CLEC12A: variants seen among roughly 807,000 people sequenced by gnomAD.
CLEC12A encodes C-type lectin protein CLL-1.
Under a neutral mutation model 26.5 loss-of-function variants are expected in CLEC12A, and 22 were observed. The observed-to-expected ratio is 0.83, with a 90% CI of 0.59 to 1.19. CLEC12A has a LOEUF of 1.19. Ranked by LOEUF, CLEC12A falls within the 50% of genes most tolerant of loss-of-function variation. The pLI is 0.00. For missense variants in CLEC12A, 353 were observed against 315.6 expected, an observed-to-expected ratio of 1.12 and a Z score of -0.90; for synonymous variants, 119 against 101.9, an observed-to-expected ratio of 1.17 and a Z score of -1.01.
At chr12:9,973,483 C>A (rs1245915150) in intron 1 of CLEC12A, among the ~76,000 whole-genome samples, 1 of 151,854 alleles carries the variant, frequency 6.6e-6, no homozygotes, top group African/African-American at 2.4e-5. Flanking sequence ...AAGACAAAAA[C>A]CCCAAAAACA....
At chr12:9,997,253 C>T (rs765414250), downstream of CLEC12A, 97 of 1,612,384 alleles carry the variant, frequency 6.0e-5, no homozygotes, top group Non-Finnish European at 8.1e-5. Flanking sequence ...TCATTCTCAC[C>T]TTGTAGGTAA....
At chr12:9,989,005 C>T (rs1016525324), downstream of CLEC12A, among the ~76,000 whole-genome samples, 116 of 152,204 alleles carry the variant, frequency 7.6e-4, no homozygotes, top group African/African-American at 2.7e-3. Flanking sequence ...AAATGTGGCA[C>T]ATATACACCA....
intron 1 of CLEC12A, among the ~76,000 whole-genome samples, chr12:9,963,124 A>G (rs1172501569): frequency 6.6e-6 from 1 of 152,162 alleles, no homozygotes; most frequent in Non-Finnish European, 1.5e-5. Context: ...TTGAAAAACT[A>G]AACAGAATAA....
chr12:9,966,419 A>G (rs1863953377), upstream of CLEC12A, among the ~76,000 whole-genome samples: 1 of 149,364 alleles, frequency 6.7e-6, no homozygotes, highest in African/African-American at 2.5e-5. Flanking sequence ...GCTGCCGGTG[A>G]GATGGACAGT....
chr12:9,990,348 G>A (rs987383359), downstream of CLEC12A, among the ~76,000 whole-genome samples: 5 of 152,196 alleles, frequency 3.3e-5, no homozygotes, highest in Admixed American at 6.6e-5. Flanking sequence ...TTCATGGAAG[G>A]AAGACAAAGT....
At chr12:9,986,625 A>G (rs1339751813), downstream of CLEC12A, among the ~76,000 whole-genome samples, 1 of 152,190 alleles carries the variant, frequency 6.6e-6, no homozygotes, top group Non-Finnish European at 1.5e-5. Flanking sequence ...AGACTGGCTA[A>G]CATGGTGAAA....
chr12:9,996,982 G>A (rs1477278341), downstream of CLEC12A: 1 of 1,613,940 alleles, frequency 6.2e-7, no homozygotes, highest in South Asian at 1.1e-5. Context: ...TGTGTCACAG[G>A]GGCTGCATTT....
downstream of CLEC12A, chr12:9,997,187 TTACCACA>T: frequency 6.2e-7 from 1 of 1,614,046 alleles, no homozygotes; most frequent in Non-Finnish European, 8.5e-7. Context: ...TCTGATTGTT[TTACCACA>T]TATTGACAGA....
At chr12:9,989,910 TAATA>T (rs1343784503), downstream of CLEC12A, among the ~76,000 whole-genome samples, 6 of 152,194 alleles carry the variant, frequency 3.9e-5, no homozygotes, top group Admixed American at 1.3e-4. Flanking sequence ...CTAGGGACCT[TAATA>T]ATTATGCTAA....
At chr12:9,980,077 A>G (rs1198148242) in intron 3 of CLEC12A, among the ~76,000 whole-genome samples, 1 of 152,208 alleles carries the variant, frequency 6.6e-6, no homozygotes, top group Non-Finnish European at 1.5e-5. Context: ...ATTGGTATAG[A>G]TAGGTGGGGT....
rs1343306396 is a variant in CLEC12A, at chr12:9,971,615, T to C, written c.19T>C (p.Tyr7His). 13 of 1,608,098 alleles carry C rather than the reference T, an allele frequency of 8.1e-6. No individual in the cohort carries two copies. Among genetic ancestry groups the C allele is most frequent in the South Asian group, 1.1e-5 (1 of 89,660 alleles). ...TTCATCAATGTCTGAAGAAGTTACT[T>C]ATGCAGATCTTCAATTCCAGAACTC... MSEEVTYADLQFQNSSE... is the reference protein window; with the variant it reads MSEEVTHADLQFQNSSE... Residue 7 changes from tyrosine (Y) to histidine (H), a missense_variant, in exon 1 of 6, where the codon TAT becomes CAT. Transcript: ENST00000304361.
upstream of CLEC12A, among the ~76,000 whole-genome samples, chr12:9,968,439 G>T (rs181411655): frequency 1.3e-5 from 2 of 152,232 alleles, no homozygotes; most frequent in Admixed American, 1.3e-4. Flanking sequence ...ACATCAAAGG[G>T]GGGTTGTTCT....
chr12:10,000,530 A>C (rs935021074), downstream of CLEC12A, among the ~76,000 whole-genome samples: 9 of 152,240 alleles, frequency 5.9e-5, no homozygotes, highest in Non-Finnish European at 1.3e-4. Flanking sequence ...TAAATGCCAA[A>C]TTTTAAGAAA....
chr12:9,989,061 T>C (rs1250386912), downstream of CLEC12A, among the ~76,000 whole-genome samples: 1 of 152,156 alleles, frequency 6.6e-6, no homozygotes, highest in South Asian at 2.1e-4. Flanking sequence ...ATGTCCTTTG[T>C]AGGGACATGG....
chr12:9,984,813 G>T (rs1864705291), intron 5 of CLEC12A, 57 bp from the exon 6 acceptor site: 5 of 1,359,676 alleles, frequency 3.7e-6, no homozygotes, highest in Non-Finnish European at 3.8e-6. Flanking sequence ...TTTTTTTTCT[G>T]TGAATATGTT....
At chr12:9,997,061 C>A (rs2137241988), downstream of CLEC12A, 5 of 1,609,092 alleles carry the variant, frequency 3.1e-6, no homozygotes, top group South Asian at 5.5e-5. Flanking sequence ...ATTTTCTTCA[C>A]ATTCAATGTT....
At chr12:9,989,131 C>T (rs2137220934), downstream of CLEC12A, among the ~76,000 whole-genome samples, 1 of 148,468 alleles carries the variant, frequency 6.7e-6, no homozygotes, top group Non-Finnish European at 1.5e-5. Context: ...CCAAACACCG[C>T]ATGTTCTCAC....
rs1243238211 is a variant in CLEC12A, at chr12:9,980,618, G to A, written c.416G>A (p.Trp139Ter). 6.2e-7 allele frequency: 1 copy of A among 1,613,684 alleles called. No homozygotes were observed. The highest frequency in any genetic ancestry group is 8.5e-7 in the Non-Finnish European group (1 of 1,179,812). The change falls in exon 4 of 6, where the codon TGG becomes TAG. Residue 139 changes from tryptophan to a stop codon, truncating the protein, a stop_gained. Transcript: ENST00000304361. LOFTEE classifies it high-confidence loss of function. The stretch of plus-strand genomic sequence containing the variant: ...AAGCCTTGTCCAAGGAGATGGATTT[G>A]GCATAAGGACAGCTGTTATTTCCTA... ...KCKPCPRRWI[W>*]HKDSCYFLSD... is the part of the protein sequence containing the mutation.
intron 1 of CLEC12A, among the ~76,000 whole-genome samples, chr12:9,962,434 C>T (rs978135629): frequency 1.3e-5 from 2 of 152,010 alleles, no homozygotes; most frequent in African/African-American, 4.8e-5. Context: ...TCCGTTATAA[C>T]TTTCACTCAC....
Sources: gnomAD v4.1 joint callset for allele counts (sites outside exome capture counted in the v4.1 genomes callset) on GRCh38, gnomAD v4.1.1 for gene constraint, MANE v1.5 for transcripts, NCBI Gene and HGNC (gene_info 2026-07-23, HGNC 2026-07-21) for gene names.